HMBOX1: variants seen among roughly 807,000 people sequenced by gnomAD.
The protein encoded by HMBOX1 is homeobox-containing protein 1.
HMBOX1 carries 14 observed loss-of-function variants against 54.5 expected under a neutral mutation model. The observed-to-expected ratio is 0.26, with a 90% CI of 0.17 to 0.40. HMBOX1 has a LOEUF of 0.40. HMBOX1 is among the 10% of genes least tolerant of loss of function. The pLI is 1.00. For missense variants in HMBOX1, 332 were observed against 514.4 expected, an observed-to-expected ratio of 0.65 and a Z score of 3.43; for synonymous variants, 160 against 181.0, an observed-to-expected ratio of 0.88 and a Z score of 0.93.
chr8:28,968,412 G>A (rs1031330199), intron 2 of HMBOX1, among the ~76,000 whole-genome samples: 1 of 152,184 alleles, frequency 6.6e-6, no homozygotes, highest in East Asian at 1.9e-4. Flanking sequence ...AATGATGTGT[G>A]CTTTTGGAGT....
rs369050268 is a variant in HMBOX1, at chr8:29,042,136, G to A, written c.852-3225G>A. 5.3e-5 allele frequency among the ~76,000 whole-genome samples: 8 copies of A among 152,152 alleles called. No individual in the cohort carries two copies. In the East Asian group the frequency reaches 1.3e-3, roughly 26 times the overall value. On this transcript the variant is annotated intron_variant, in intron 6 of 9. Coordinates refer to ENST00000287701, the MANE Select transcript of HMBOX1 (RefSeq NM_001135726.3). Reference sequence around the variant, plus strand: ...CAATTATAAAATGCATCCTGACTTCGGAGATCACAATAATGAAGAAATATG... The same window carrying A: ...CAATTATAAAATGCATCCTGACTTCAGAGATCACAATAATGAAGAAATATG...
intron 6 of HMBOX1, among the ~76,000 whole-genome samples, chr8:29,040,502 A>G (rs1255675292): frequency 6.6e-6 from 1 of 152,206 alleles, no homozygotes; most frequent in African/African-American, 2.4e-5. Context: ...TTTAGATTAT[A>G]CTGTATATCT....
At chr8:28,906,845 GC>G (rs1814434061) in intron 1 of HMBOX1, among the ~76,000 whole-genome samples, 1 of 152,120 alleles carries the variant, frequency 6.6e-6, no homozygotes, top group Non-Finnish European at 1.5e-5. Context: ...GCTGGCCTTG[GC>G]CTCCCAAAGT....
chr8:29,025,290 A>G (rs866461235), intron 6 of HMBOX1, among the ~76,000 whole-genome samples: 4 of 152,228 alleles, frequency 2.6e-5, no homozygotes, highest in Admixed American at 1.3e-4. Context: ...CTGCCATTAG[A>G]AAATGCTTTC....
intron 4 of HMBOX1, among the ~76,000 whole-genome samples, chr8:28,982,250 A>G (rs1025366457): frequency 6.6e-6 from 1 of 152,182 alleles, no homozygotes; most frequent in Non-Finnish European, 1.5e-5. Flanking sequence ...AAAACAAAAA[A>G]TACTGAATAC....
chr8:28,967,228 G>A (rs369504556), intron 2 of HMBOX1, among the ~76,000 whole-genome samples: 2 of 152,138 alleles, frequency 1.3e-5, no homozygotes, highest in Admixed American at 6.5e-5. Context: ...GGGGTATTAC[G>A]AGTGATAGCC....
chr8:29,042,611 A>G (rs913130720), intron 6 of HMBOX1: 34 of 454,916 alleles, frequency 7.5e-5, no homozygotes, highest in Non-Finnish European at 1.3e-4. Context: ...AAAAAAACCA[A>G]TTGGCCCTAT....
intron 1 of HMBOX1, among the ~76,000 whole-genome samples, chr8:28,894,700 A>C (rs1811741343): frequency 6.6e-6 from 1 of 152,178 alleles, no homozygotes. Flanking sequence ...TTCAAACATA[A>C]TCCAGTGCTT....
chr8:28,895,003 T>C (rs1450665956), intron 1 of HMBOX1, among the ~76,000 whole-genome samples: 1 of 152,084 alleles, frequency 6.6e-6, no homozygotes, highest in Non-Finnish European at 1.5e-5. Context: ...TTATTTTAAC[T>C]TTTTCACCCT....
At chr8:28,924,112 G>T (rs182941067) in intron 1 of HMBOX1, among the ~76,000 whole-genome samples, 240 of 142,740 alleles carry the variant, frequency 1.7e-3, no homozygotes, top group African/African-American at 4.9e-3. Context: ...TTTTTTTTTG[G>T]TTTTTTTTTT....
At chr8:28,925,340 C>T (rs1005433374) in intron 1 of HMBOX1, among the ~76,000 whole-genome samples, 1 of 152,106 alleles carries the variant, frequency 6.6e-6, no homozygotes, top group African/African-American at 2.4e-5. Flanking sequence ...TCTGATCAGC[C>T]TGGTTGCAGA....
At chr8:28,913,022 C>T (rs1027999060) in intron 1 of HMBOX1, among the ~76,000 whole-genome samples, 1 of 152,154 alleles carries the variant, frequency 6.6e-6, no homozygotes, top group Non-Finnish European at 1.5e-5. Context: ...CATGTTAACT[C>T]TTCTATATTC....
intron 7 of HMBOX1, among the ~76,000 whole-genome samples, chr8:29,046,570 C>T (rs1805590471): frequency 6.6e-6 from 1 of 152,172 alleles, no homozygotes; most frequent in Non-Finnish European, 1.5e-5. Flanking sequence ...GTCATAGCGG[C>T]CTTCAGCCTT....
chr8:28,906,532 A>C (rs939430429), intron 1 of HMBOX1, among the ~76,000 whole-genome samples: 1 of 152,170 alleles, frequency 6.6e-6, no homozygotes, highest in Non-Finnish European at 1.5e-5. Flanking sequence ...TCACTTTTCA[A>C]ACATGACGTA....
At chr8:29,037,456 A>C (rs1804088784) in intron 6 of HMBOX1, among the ~76,000 whole-genome samples, 1 of 152,200 alleles carries the variant, frequency 6.6e-6, no homozygotes, top group Admixed American at 6.5e-5. Context: ...CTTAATATAT[A>C]AAATTGAGGG....
intron 1 of HMBOX1, among the ~76,000 whole-genome samples, chr8:28,918,264 C>T (rs942098674): frequency 5.3e-5 from 8 of 152,120 alleles, no homozygotes; most frequent in South Asian, 2.1e-4. Flanking sequence ...AGTGCAGTGG[C>T]GCGATCTCGG....
At chr8:28,905,290 TTAAA>T (rs1227850198) in intron 1 of HMBOX1, among the ~76,000 whole-genome samples, 3 of 152,046 alleles carry the variant, frequency 2.0e-5, no homozygotes, top group African/African-American at 4.8e-5. Flanking sequence ...AAACTTCTAC[TTAAA>T]TAAGCCAAAA....
chr8:29,047,208 A>G, intron 7 of HMBOX1, 150 bp from the exon 8 acceptor site: 1 of 600,498 alleles, frequency 1.7e-6, no homozygotes, highest in Non-Finnish European at 3.0e-6. Context: ...TGTACATGGT[A>G]CCAGGTAATA....
At chr8:28,936,263 AT>A (rs536964054) in intron 1 of HMBOX1, among the ~76,000 whole-genome samples, 1,998 of 151,804 alleles carry the variant, frequency 0.013, 12 homozygotes, top group Non-Finnish European at 0.02. Flanking sequence ...GTGTAATCAC[AT>A]TTTTTTTCTC....
Sources: gnomAD v4.1 joint callset for allele counts (sites outside exome capture counted in the v4.1 genomes callset) on GRCh38, gnomAD v4.1.1 for gene constraint, MANE v1.5 for transcripts, NCBI Gene and HGNC (gene_info 2026-07-23, HGNC 2026-07-21) for gene names.